KCNIP4: variants seen among roughly 807,000 people sequenced by gnomAD.
KCNIP4 encodes the protein Kv channel-interacting protein 4.
Under a neutral mutation model 34.0 loss-of-function variants are expected in KCNIP4, and 12 were observed. The ratio of observed to expected loss-of-function variants is 0.35; its 90% CI spans 0.23 to 0.57. The LOEUF (loss-of-function observed/expected upper bound fraction) is 0.57. Among genes scored for constraint, KCNIP4 ranks in the 20% least tolerant of loss-of-function variants. The pLI, the probability that KCNIP4 is intolerant of heterozygous loss-of-function variation, is 0.83. For synonymous variants in KCNIP4, 124 were observed against 102.2 expected, an observed-to-expected ratio of 1.21 and a Z score of -1.29; for missense variants, 238 against 311.7, an observed-to-expected ratio of 0.76 and a Z score of 1.78.
At chr4:21,735,226 G>T (rs1266218169) in intron 1 of KCNIP4, among the ~76,000 whole-genome samples, 1 of 151,976 alleles carries the variant, frequency 6.6e-6, no homozygotes, top group Non-Finnish European at 1.5e-5. Flanking sequence ...AGACACTCAT[G>T]GTATGCTAGA....
chr4:21,247,402 G>T (rs1189609434), intron 1 of KCNIP4, among the ~76,000 whole-genome samples: 3 of 151,660 alleles, frequency 2.0e-5, no homozygotes, highest in Non-Finnish European at 4.4e-5. Flanking sequence ...CTATAGGAGG[G>T]TACAATAAAG....
chr4:21,055,112 A>G (rs1743288327), intron 1 of KCNIP4, among the ~76,000 whole-genome samples: 1 of 152,196 alleles, frequency 6.6e-6, no homozygotes, highest in Non-Finnish European at 1.5e-5. Context: ...AAAGACCATA[A>G]TAAGAAGCAC....
intron 1 of KCNIP4, among the ~76,000 whole-genome samples, chr4:21,063,637 C>T (rs2874888): frequency 0.012 from 1,768 of 152,118 alleles, 28 homozygotes; most frequent in African/African-American, 0.038. Flanking sequence ...ATTCAAGTTG[C>T]TTATATCACA....
At chr4:21,693,353 G>A (rs755232872) in intron 1 of KCNIP4, among the ~76,000 whole-genome samples, 107 of 152,250 alleles carry the variant, frequency 7.0e-4, no homozygotes, top group Non-Finnish European at 1.3e-3. Context: ...TTGAGGTCAG[G>A]AGTTCAAGAC....
intron 1 of KCNIP4, among the ~76,000 whole-genome samples, chr4:21,476,259 A>G (rs978947257): frequency 6.6e-6 from 1 of 152,204 alleles, no homozygotes; most frequent in Non-Finnish European, 1.5e-5. Context: ...GTTTTTCATT[A>G]TGCTGCTGAA....
chr4:21,856,478 T>C (rs946505552), intron 1 of KCNIP4, among the ~76,000 whole-genome samples: 4 of 152,148 alleles, frequency 2.6e-5, no homozygotes, highest in Admixed American at 6.5e-5. Flanking sequence ...GCTGCCACCA[T>C]GGAGTCAGCA....
At chr4:21,249,001 C>T (rs918179330) in intron 1 of KCNIP4, among the ~76,000 whole-genome samples, 2 of 152,096 alleles carry the variant, frequency 1.3e-5, no homozygotes, top group African/African-American at 4.8e-5. Flanking sequence ...ATGTGATTTT[C>T]TCTACAAAAC....
chr4:21,769,835 C>CA (rs1262995440), intron 1 of KCNIP4, among the ~76,000 whole-genome samples: 1 of 151,914 alleles, frequency 6.6e-6, no homozygotes, highest in Non-Finnish European at 1.5e-5. Context: ...CAATAAAAAG[C>CA]AAAAATCATA....
In KCNIP4 at chr4:21,320,964, T is replaced by TAAAAAAAAAAAA. The variant is rs528123961; in HGVS notation, c.62-438267_62-438256dup. Among the ~76,000 whole-genome samples the TAAAAAAAAAAAA allele has an allele frequency of 5.5e-4, 57 of 102,876 alleles. 1 individual carries two copies. The highest frequency in any genetic ancestry group is 1.0e-3 in the African/African-American group (22 of 21,790). The allele number at this position is 102,876 out of a possible 152,430, so 67.5% of individuals were successfully genotyped here. ...TGGGCAATAGAGCAAGAATCTGTCT[T>TAAAAAAAAAAAA]AAAAAAAAAAAAAAAAAAGAGGAAA... is the stretch of plus-strand genomic sequence containing the variant. On this transcript the variant is annotated intron_variant, in intron 1 of 8. Transcript: ENST00000382152.
At chr4:21,236,797 C>T (rs891878470) in intron 1 of KCNIP4, among the ~76,000 whole-genome samples, 3 of 151,194 alleles carry the variant, frequency 2.0e-5, no homozygotes, top group Non-Finnish European at 2.9e-5. Context: ...ATCACAAGGT[C>T]AGGAGCTCAA....
intron 1 of KCNIP4, among the ~76,000 whole-genome samples, chr4:21,751,335 G>A (rs1717138222): frequency 6.6e-6 from 1 of 152,106 alleles, no homozygotes; most frequent in South Asian, 2.1e-4. Flanking sequence ...ATGGATATAT[G>A]AACTGAATCT....
At chr4:21,415,863 C>T (rs921559052) in intron 1 of KCNIP4, among the ~76,000 whole-genome samples, 2 of 152,074 alleles carry the variant, frequency 1.3e-5, no homozygotes, top group African/African-American at 4.8e-5. Flanking sequence ...TGGAGAGAGG[C>T]TGGAGCAGAG....
At chr4:21,553,471 C>T (rs1191916032) in intron 1 of KCNIP4, among the ~76,000 whole-genome samples, 1 of 152,120 alleles carries the variant, frequency 6.6e-6, no homozygotes, top group South Asian at 2.1e-4. Flanking sequence ...AAATAAGAAG[C>T]ATGGAGACTG....
chr4:21,124,234 G>A (rs1750422304), intron 1 of KCNIP4, among the ~76,000 whole-genome samples: 2 of 152,252 alleles, frequency 1.3e-5, no homozygotes, highest in African/African-American at 4.8e-5. Context: ...ATACATTTAT[G>A]AGAGAATGAG....
At chr4:20,830,176 G>A (rs1233046357) in intron 3 of KCNIP4, among the ~76,000 whole-genome samples, 1 of 152,186 alleles carries the variant, frequency 6.6e-6, no homozygotes, top group Non-Finnish European at 1.5e-5. Context: ...TCAGTAAGTA[G>A]CAGCATCAGG....
chr4:20,989,590 T>A (rs371050316), intron 1 of KCNIP4, among the ~76,000 whole-genome samples: 1 of 152,156 alleles, frequency 6.6e-6, no homozygotes, highest in Admixed American at 6.5e-5. Context: ...GAAGGTTGCA[T>A]TGAAGAGAGA....
intron 1 of KCNIP4, among the ~76,000 whole-genome samples, chr4:21,539,534 C>A (rs952589433): frequency 1.3e-5 from 2 of 152,108 alleles, no homozygotes; most frequent in Non-Finnish European, 2.9e-5. Context: ...TAAAAATTAT[C>A]CATAATGCCC....
chr4:20,826,522 TG>T (rs1232124362), intron 3 of KCNIP4, among the ~76,000 whole-genome samples: 2 of 151,998 alleles, frequency 1.3e-5, no homozygotes, highest in Non-Finnish European at 2.9e-5. Flanking sequence ...AGGTCAAGTC[TG>T]CAGTGCGACA....
chr4:21,359,110 G>A (rs1718956168), intron 1 of KCNIP4, among the ~76,000 whole-genome samples: 1 of 152,048 alleles, frequency 6.6e-6, no homozygotes, highest in South Asian at 2.1e-4. Context: ...TTTACAATAG[G>A]TATACCCAGT....
Sources: allele counts gnomAD v4.1 joint callset (sites outside exome capture counted in the v4.1 genomes callset), GRCh38; gene constraint gnomAD v4.1.1; transcripts MANE v1.5; gene names NCBI Gene and HGNC (gene_info 2026-07-23, HGNC 2026-07-21).